Variants in CFAP58 observed in about 807,000 individuals in gnomAD.
CFAP58 encodes cilia and flagella associated protein 58.
A neutral mutation model predicts 119.5 loss-of-function variants in CFAP58; 88 were observed. That is an observed-to-expected ratio of 0.74 (90% CI 0.62 to 0.88). The LOEUF (loss-of-function observed/expected upper bound fraction) is 0.88, where lower values mean the gene tolerates loss of function less well. Ranked by LOEUF, CFAP58 falls within the 40% of genes least tolerant of loss-of-function variation. The pLI, the probability that CFAP58 is intolerant of heterozygous loss-of-function variation, is 0.00. For synonymous variants in CFAP58, 365 were observed against 366.3 expected (o/e 1.00, Z 0.04); for missense variants, 990 against 1,021.2 (o/e 0.97, Z 0.42).
rs910681249 is a variant in CFAP58, at chr10:104,366,111, C to G, written c.792+103C>G. Reference sequence around the variant, plus strand: ...GAATTCTCTTGGAAAGCAGCAAATTCCCTTCACTACTCGTGCTGATGATGT... The same window carrying G: ...GAATTCTCTTGGAAAGCAGCAAATTGCCTTCACTACTCGTGCTGATGATGT... On this transcript the variant is annotated intron_variant, in intron 5 of 17. Coordinates refer to ENST00000369704, the MANE Select transcript of CFAP58 (RefSeq NM_001008723.2). 1.6e-5 allele frequency: 16 copies of G among 996,002 alleles called. No individual in the cohort carries two copies. In the Admixed American group the frequency reaches 3.1e-4, roughly 20 times the overall value. 61.7% of individuals were successfully genotyped at this position (996,002 alleles called of 1,614,324 possible). A position where few individuals can be genotyped will look rare whatever the true frequency, so the allele number is the denominator to read the frequency against.
chr10:104,408,348 T>G (rs551994476), intron 15 of CFAP58, among the ~76,000 whole-genome samples: 3 of 152,292 alleles, frequency 2.0e-5, no homozygotes, highest in Admixed American at 2.0e-4. Flanking sequence ...ATAATACGTG[T>G]TTTTTATAAT....
intron 15 of CFAP58, among the ~76,000 whole-genome samples, chr10:104,439,499 A>G (rs1319004196): frequency 2.0e-5 from 3 of 152,206 alleles, no homozygotes; most frequent in Non-Finnish European, 4.4e-5. Flanking sequence ...CAAAAAACTT[A>G]TGAGTATTAG....
At chr10:104,441,065 C>A (rs1013403489) in intron 15 of CFAP58, among the ~76,000 whole-genome samples, 1 of 152,212 alleles carries the variant, frequency 6.6e-6, no homozygotes, top group Non-Finnish European at 1.5e-5. Context: ...TGCAGTGGAG[C>A]AATCTTGGCT....
At chr10:104,363,911 C>T (rs968330153) in intron 3 of CFAP58, among the ~76,000 whole-genome samples, 2 of 152,310 alleles carry the variant, frequency 1.3e-5, no homozygotes, top group East Asian at 3.9e-4. Flanking sequence ...CTGCAGAGGT[C>T]GTATCAGACA....
chr10:104,388,794 A>G (rs912431055), intron 9 of CFAP58, among the ~76,000 whole-genome samples: 11 of 152,182 alleles, frequency 7.2e-5, no homozygotes, highest in Non-Finnish European at 1.3e-4. Context: ...TCTCACTCTT[A>G]TTTCTATTGG....
At position 104,447,710 on chromosome 10, in the gene CFAP58, C is replaced by G; in HGVS notation, c.2269C>G (p.Leu757Val). ...KELLLQEKEK[L>V]YMELKHVLAR... ...TGCTCTCCACTAGGAAAAGGAGAAACTCTACATGGAACTAAAGCACGTCTT... is the reference window on the plus strand; with the variant it reads ...TGCTCTCCACTAGGAAAAGGAGAAAGTCTACATGGAACTAAAGCACGTCTT... Residue 757 changes from leucine (L) to valine (V), a missense_variant, in exon 16 of 18, where the codon CTC (leucine) becomes GTC (valine). Coordinates refer to ENST00000369704, the MANE Select transcript of CFAP58 (RefSeq NM_001008723.2). The G allele has an allele frequency of 6.2e-7, 1 of 1,614,070 alleles. No individual in the cohort carries two copies. Among genetic ancestry groups the G allele is most frequent in the Non-Finnish European group, 8.5e-7 (1 of 1,179,992 alleles).
chr10:104,363,223 C>T (rs1564878908), intron 3 of CFAP58, among the ~76,000 whole-genome samples: 1 of 152,228 alleles, frequency 6.6e-6, no homozygotes. Flanking sequence ...CTTCTCTACC[C>T]ATTAGGCTGT....
At chr10:104,377,236 C>T (rs1344244830) in intron 8 of CFAP58, among the ~76,000 whole-genome samples, 2 of 152,166 alleles carry the variant, frequency 1.3e-5, no homozygotes, top group Non-Finnish European at 2.9e-5. Context: ...TATCTATAAT[C>T]GACAACTTGC....
intron 9 of CFAP58, among the ~76,000 whole-genome samples, chr10:104,389,970 G>A (rs1247894334): frequency 6.6e-6 from 1 of 152,142 alleles, no homozygotes. Flanking sequence ...AACAAGGAGG[G>A]TTTATCCTGA....
the CFAP58 span, among the ~76,000 whole-genome samples, chr10:104,339,145 T>C: frequency 2.0e-5 from 3 of 152,164 alleles, no homozygotes; most frequent in African/African-American, 7.2e-5. Flanking sequence ...CTTCTCGGCC[T>C]TCCGAAGCGC....
chr10:104,367,611 A>T (rs945868720), intron 5 of CFAP58, among the ~76,000 whole-genome samples: 1 of 152,190 alleles, frequency 6.6e-6, no homozygotes, highest in East Asian at 1.9e-4. Flanking sequence ...CATTTTTAGC[A>T]TAACTGGTTA....
At chr10:104,366,371 C>G (rs2014750753) in intron 5 of CFAP58, among the ~76,000 whole-genome samples, 1 of 152,212 alleles carries the variant, frequency 6.6e-6, no homozygotes, top group South Asian at 2.1e-4. Flanking sequence ...TACCAGCACC[C>G]CCAGAAGCCC....
intron 15 of CFAP58, among the ~76,000 whole-genome samples, chr10:104,442,187 C>CT (rs962587138): frequency 1.1e-4 from 16 of 150,258 alleles, no homozygotes; most frequent in African/African-American, 2.4e-4. Flanking sequence ...AATGTATTGC[C>CT]TTTTTTTTTC....
chr10:104,445,605 A>G (rs1388592658), intron 15 of CFAP58, among the ~76,000 whole-genome samples: 1 of 152,184 alleles, frequency 6.6e-6, no homozygotes, highest in East Asian at 1.9e-4. Context: ...GATATCATGT[A>G]GATGGAATTT....
the CFAP58 span, among the ~76,000 whole-genome samples, chr10:104,340,944 G>C: frequency 6.6e-6 from 1 of 152,132 alleles, no homozygotes; most frequent in African/African-American, 2.4e-5. Flanking sequence ...AAGGAAACTT[G>C]TGGTTTATCC....
chr10:104,374,303 A>T (rs2014860422), intron 7 of CFAP58, among the ~76,000 whole-genome samples: 1 of 151,666 alleles, frequency 6.6e-6, no homozygotes, highest in Non-Finnish European at 1.5e-5. Flanking sequence ...CTACCAGAAA[A>T]AAAAAAGAAA....
At chr10:104,452,978 G>A (rs962093938) in intron 17 of CFAP58, among the ~76,000 whole-genome samples, 4 of 152,194 alleles carry the variant, frequency 2.6e-5, no homozygotes, top group African/African-American at 9.7e-5. Flanking sequence ...GAACAAAAGT[G>A]CTGAGATGGT....
rs777741258 is a variant in CFAP58 at position 104,362,007 on chromosome 10, C to A, written c.292-16C>A. On this transcript the variant is annotated splice_polypyrimidine_tract_variant and intron_variant, in intron 2 of 17. Transcript: ENST00000369704. Reference sequence around the variant, plus strand: ...CCAGTTTGGTCTTTCTCACTGATATCCTATGGCCCATCTAGGAAATTGAAA... The same window carrying A: ...CCAGTTTGGTCTTTCTCACTGATATACTATGGCCCATCTAGGAAATTGAAA... 5.6e-5 allele frequency: 90 copies of A among 1,611,668 alleles called. No homozygotes were observed. Among genetic ancestry groups the A allele is most frequent in the Non-Finnish European group, 7.0e-5 (83 of 1,178,920 alleles).
intron 11 of CFAP58, among the ~76,000 whole-genome samples, chr10:104,393,865 C>T (rs1242516534): frequency 2.0e-5 from 3 of 152,318 alleles, no homozygotes; most frequent in East Asian, 3.9e-4. Context: ...CACACCCAAC[C>T]CTCCCAAACT....
Sources: allele counts gnomAD v4.1 joint callset (sites outside exome capture counted in the v4.1 genomes callset), GRCh38; gene constraint gnomAD v4.1.1; transcripts MANE v1.5; gene names NCBI Gene and HGNC (gene_info 2026-07-23, HGNC 2026-07-21).